PCDHGA1: variants seen among roughly 807,000 people sequenced by gnomAD.
PCDHGA1 encodes the protein protocadherin gamma-A1.
Under a neutral mutation model 58.0 loss-of-function variants are expected in PCDHGA1, and 32 were observed. The observed-to-expected ratio is 0.55, with a 90% confidence interval of 0.42 to 0.74. The LOEUF (loss-of-function observed/expected upper bound fraction) is 0.74. Among genes scored for constraint, PCDHGA1 ranks in the 30% least tolerant of loss-of-function variants. PCDHGA1 has a pLI of 0.00. For synonymous variants in PCDHGA1, 498 were observed against 501.1 expected, an observed-to-expected ratio of 0.99 and a Z score of 0.08; for missense variants, 1,205 against 1,182.3, an observed-to-expected ratio of 1.02 and a Z score of -0.28.
intron 1 of PCDHGA1, chr5:141,433,288 G>A (rs2097582001): frequency 5.3e-6 from 6 of 1,136,424 alleles, no homozygotes; most frequent in Non-Finnish European, 7.5e-6. Flanking sequence ...CAAACTCCTA[G>A]GCTCAAGCAA....
chr5:141,402,942 G>A, intron 1 of PCDHGA1: 1 of 1,591,382 alleles, frequency 6.3e-7, no homozygotes, highest in Non-Finnish European at 8.6e-7. Flanking sequence ...AAATTCCAAA[G>A]CGAGGCAGCA....
rs375127524 is a variant in PCDHGA1 at position 141,490,702 on chromosome 5, C to T, written c.2422-4105C>T. ...AGATCCAGACACTGGGGATAATGCC[C>T]GCCTCACCTACTCCATTGTAGGAAA... On this transcript the variant is annotated intron_variant, in intron 1 of 3. Coordinates refer to ENST00000517417, the MANE Select transcript of PCDHGA1 (RefSeq NM_018912.3). The surrounding 1 kb of genome is among the most constrained non-coding windows in gnomAD (Gnocchi z 5.4). 36 of 1,614,060 alleles carry T rather than the reference C, an allele frequency of 2.2e-5. No homozygotes were observed. Among genetic ancestry groups the T allele is most frequent in the South Asian group, 7.7e-5 (7 of 91,090 alleles).
chr5:141,365,129 A>G, intron 1 of PCDHGA1: 1 of 1,613,908 alleles, frequency 6.2e-7, no homozygotes, highest in Non-Finnish European at 8.5e-7. Context: ...GCTAACCGCC[A>G]CGGATCCAGA....
At position 141,403,020 on chromosome 5, in the gene PCDHGA1, T is replaced by A. The variant is rs761279674; in HGVS notation, c.2421+69915T>A. ...CTGCTATGCTCGCTCCTGGGGATGCTATGGGAGGCCAGGGCCAGTCAGATT... is the reference window on the plus strand; with the variant it reads ...CTGCTATGCTCGCTCCTGGGGATGCAATGGGAGGCCAGGGCCAGTCAGATT... On this transcript the variant is annotated intron_variant, in intron 1 of 3. Transcript: ENST00000517417. The A allele has an allele frequency of 8.1e-6, 13 of 1,614,034 alleles. 1 individual carries two copies. The South Asian group carries it at 1.4e-4, about 18-fold the overall frequency.
intron 1 of PCDHGA1, chr5:141,410,095 C>T (rs2095356889): frequency 1.2e-6 from 2 of 1,612,676 alleles, no homozygotes; most frequent in Non-Finnish European, 1.7e-6. Flanking sequence ...CGGCTCGAGC[C>T]TTAGGCGACA....
At chr5:141,346,520 T>C in intron 1 of PCDHGA1, 1 of 1,595,242 alleles carries the variant, frequency 6.3e-7, no homozygotes, top group Non-Finnish European at 8.6e-7. Context: ...TTATAAAGCT[T>C]TAACACATAT....
At chr5:141,488,139 T>C (rs906194527) in intron 1 of PCDHGA1, among the ~76,000 whole-genome samples, 2 of 152,084 alleles carry the variant, frequency 1.3e-5, no homozygotes, top group Non-Finnish European at 2.9e-5. Context: ...AGGAGAGAAC[T>C]AAAGGAATAG....
At chr5:141,357,135 C>A in intron 1 of PCDHGA1, 1 of 1,613,504 alleles carries the variant, frequency 6.2e-7, no homozygotes, top group Non-Finnish European at 8.5e-7. Context: ...TTGTAGTGGT[C>A]GTCCAGGACC....
intron 1 of PCDHGA1, chr5:141,366,287 C>T (rs746594585): frequency 5.0e-6 from 8 of 1,613,620 alleles, no homozygotes; most frequent in Admixed American, 1.7e-5. Context: ...TGGCCAGCCC[C>T]CTCTGTCAGC....
chr5:141,332,043 T>C lies in PCDHGA1; in HGVS notation c.1359T>C (p.His453=). 1 of 1,614,122 alleles carries C rather than the reference T, an allele frequency of 6.2e-7. No individual in the cohort carries two copies. The highest frequency in any genetic ancestry group is 8.5e-7 in the Non-Finnish European group (1 of 1,180,020). The part of the protein sequence containing the change: ...TDINDNSPVF[H]QDSYSAYIPE... ...TCAATGACAACTCCCCAGTCTTCCATCAGGACTCCTACTCTGCCTACATTC... is the reference window on the plus strand; with the variant it reads ...TCAATGACAACTCCCCAGTCTTCCACCAGGACTCCTACTCTGCCTACATTC... The change falls in exon 1 of 4, where the codon CAT becomes CAC. Residue 453 remains histidine (H), a synonymous_variant. Coordinates refer to ENST00000517417, the MANE Select transcript of PCDHGA1 (RefSeq NM_018912.3). This position sits in a 1 kb window ranked among gnomAD's most constrained non-coding sequence, Gnocchi z 4.6.
intron 1 of PCDHGA1, among the ~76,000 whole-genome samples, chr5:141,425,040 A>G (rs2096853898): frequency 6.6e-6 from 1 of 152,182 alleles, no homozygotes; most frequent in South Asian, 2.1e-4. Flanking sequence ...TTAGTTGTAA[A>G]CTGACTATCT....
At chr5:141,428,540 C>T (rs1561836755) in intron 1 of PCDHGA1, 6 of 268,146 alleles carry the variant, frequency 2.2e-5, no homozygotes, top group South Asian at 8.6e-5. Context: ...CTCACCATGA[C>T]ACCAGAAACA....
chr5:141,488,450 C>T (rs2154581002), intron 1 of PCDHGA1, among the ~76,000 whole-genome samples: 1 of 152,314 alleles, frequency 6.6e-6, no homozygotes, highest in East Asian at 1.9e-4. Context: ...TCCTGGGTGA[C>T]CTGATTCAGC....
chr5:141,417,285 A>C (rs913143514), intron 1 of PCDHGA1: 2 of 152,254 alleles, frequency 1.3e-5, no homozygotes, highest in African/African-American at 4.8e-5. Flanking sequence ...AAGGAACAAG[A>C]ATGACTGCCT....
At position 141,438,631 on chromosome 5, in the gene PCDHGA1, T is replaced by C. The variant is rs1227796079; in HGVS notation, c.2422-56176T>C. 6.5e-4 allele frequency among the ~76,000 whole-genome samples: 28 copies of C among 43,202 alleles called. 1 individual carries two copies. Among genetic ancestry groups the C allele is most frequent in the Non-Finnish European group, 8.8e-4 (23 of 26,272 alleles). 28.3% of individuals were successfully genotyped at this position (43,202 alleles called of 152,430 possible). On this transcript the variant is annotated intron_variant, in intron 1 of 3. Transcript: ENST00000517417. ...ATATATATATATATATATATATATATATATACACACACACACACACATATA... is the reference window on the plus strand; with the variant it reads ...ATATATATATATATATATATATATACATATACACACACACACACACATATA...
chr5:141,398,469 G>A (rs1490431965), intron 1 of PCDHGA1: 1 of 1,604,084 alleles, frequency 6.2e-7, no homozygotes, highest in Admixed American at 1.7e-5. Context: ...AAAATCCACT[G>A]AACTTTTATC....
At chr5:141,362,128 G>A (rs1359609195) in intron 1 of PCDHGA1, 1 of 1,613,900 alleles carries the variant, frequency 6.2e-7, no homozygotes, top group African/African-American at 1.3e-5. Context: ...CCTAATCTTC[G>A]CGGATAGCCT....
chr5:141,431,016 C>T lies in PCDHGA1; in HGVS notation c.2422-63791C>T, dbSNP rs755015257. Reference sequence around the variant, plus strand: ...AATCCGCGCAGCGGCAGCTTGGTCACGGCGGGCAGGATAGACCGGGAGGAG... The same window carrying T: ...AATCCGCGCAGCGGCAGCTTGGTCATGGCGGGCAGGATAGACCGGGAGGAG... On this transcript the variant is annotated intron_variant, in intron 1 of 3. Transcript: ENST00000517417. This position sits in a 1 kb window ranked among gnomAD's most constrained non-coding sequence, Gnocchi z 4.8. 3 of 1,613,456 alleles carry T rather than the reference C, an allele frequency of 1.9e-6. No individual in the cohort carries two copies. The highest frequency in any genetic ancestry group is 2.2e-5 in the South Asian group (2 of 91,058).
intron 1 of PCDHGA1, chr5:141,371,963 G>A: frequency 6.2e-7 from 1 of 1,613,264 alleles, no homozygotes; most frequent in Non-Finnish European, 8.5e-7. Context: ...TCGACCACGA[G>A]CAGCTGCGTG....
Sources: allele counts gnomAD v4.1 joint callset (sites outside exome capture counted in the v4.1 genomes callset), GRCh38; gene constraint gnomAD v4.1.1; non-coding constraint Gnocchi (gnomAD v3.1); transcripts MANE v1.5; gene names NCBI Gene and HGNC (gene_info 2026-07-23, HGNC 2026-07-21).